Variants in PCSK2 observed in about 807,000 individuals in gnomAD.
PCSK2 encodes the protein neuroendocrine convertase 2.
Under a neutral mutation model 69.7 loss-of-function variants are expected in PCSK2, and 14 were observed. That is an observed-to-expected ratio of 0.20 (90% CI 0.13 to 0.31). The LOEUF is 0.31. Ranked by LOEUF, PCSK2 falls within the 10% of genes least tolerant of loss-of-function variation. The pLI, the probability that PCSK2 is intolerant of heterozygous loss-of-function variation, is 1.00. For missense variants in PCSK2, 544 were observed against 842.5 expected (o/e 0.65, Z 4.39); for synonymous variants, 307 against 320.7 (o/e 0.96, Z 0.46).
chr20:17,249,617 T>A (rs182281050), intron 1 of PCSK2, among the ~76,000 whole-genome samples: 161 of 151,872 alleles, frequency 1.1e-3, no homozygotes, highest in African/African-American at 3.7e-3. Context: ...CATCAACGGA[T>A]GAATGGATAA....
chr20:17,350,545 G>C (rs192386050), intron 2 of PCSK2, among the ~76,000 whole-genome samples: 1 of 151,946 alleles, frequency 6.6e-6, no homozygotes, highest in South Asian at 2.1e-4. Flanking sequence ...GGTCCTCAGA[G>C]AGTTATATGC....
intron 6 of PCSK2, among the ~76,000 whole-genome samples, chr20:17,420,029 A>T (rs780481500): frequency 2.0e-5 from 3 of 152,252 alleles, no homozygotes; most frequent in Non-Finnish European, 4.4e-5. Context: ...GGGAAGGAAG[A>T]TGGATAAATG....
At position 17,482,188 on chromosome 20, in the gene PCSK2, A is replaced by C. The variant is rs2033418099; in HGVS notation, c.*118A>C. On this transcript the variant is annotated 3_prime_UTR_variant, in exon 12 of 12. Coordinates refer to ENST00000262545, the MANE Select transcript of PCSK2 (RefSeq NM_002594.5). Reference sequence around the variant, plus strand: ...CCCGTACAGGCAATTCCGTCTTCTTAATCTGAAGCTTCACTCACTGTCAAT... The same window carrying C: ...CCCGTACAGGCAATTCCGTCTTCTTCATCTGAAGCTTCACTCACTGTCAAT... The C allele has an allele frequency of 1.1e-6, 1 of 882,304 alleles. No homozygotes were observed. Among genetic ancestry groups the C allele is most frequent in the African/African-American group, 1.7e-5 (1 of 59,252 alleles). The allele number at this position is 882,304 out of a possible 1,614,324, so 54.7% of individuals were successfully genotyped here.
At chr20:17,404,109 C>T (rs555256040) in intron 5 of PCSK2, among the ~76,000 whole-genome samples, 19 of 152,266 alleles carry the variant, frequency 1.2e-4, no homozygotes, top group African/African-American at 3.8e-4. Context: ...GGGGGTGGTG[C>T]ACATGGCTTG....
chr20:17,340,196 G>A (rs766870437), intron 2 of PCSK2, among the ~76,000 whole-genome samples: 1 of 152,184 alleles, frequency 6.6e-6, no homozygotes, highest in Non-Finnish European at 1.5e-5. Flanking sequence ...GAAGAGTCAT[G>A]CAGGTCCCCA....
chr20:17,384,714 G>A (rs1304503826), intron 5 of PCSK2, among the ~76,000 whole-genome samples: 2 of 152,072 alleles, frequency 1.3e-5, no homozygotes, highest in African/African-American at 4.8e-5. Flanking sequence ...TGGGAGTATT[G>A]CTTGAGCCAG....
intron 6 of PCSK2, among the ~76,000 whole-genome samples, chr20:17,411,076 T>C (rs979994133): frequency 7.2e-5 from 11 of 152,268 alleles, no homozygotes; most frequent in African/African-American, 2.6e-4. Flanking sequence ...CTGGGCAATG[T>C]GCTATAAAAA....
chr20:17,270,402 T>TA (rs1987815336), intron 2 of PCSK2, among the ~76,000 whole-genome samples: 1 of 152,078 alleles, frequency 6.6e-6, no homozygotes, highest in Non-Finnish European at 1.5e-5. Context: ...GCTTTATGGG[T>TA]TCAGGAGAGG....
intron 2 of PCSK2, among the ~76,000 whole-genome samples, chr20:17,335,371 A>G (rs6044740): frequency 0.83 from 125,299 of 151,566 alleles, 52,562 homozygotes; most frequent in East Asian, 0.98. Context: ...AGGCCAAAAC[A>G]CAAGATGTCC....
intron 2 of PCSK2, among the ~76,000 whole-genome samples, chr20:17,355,674 CAG>C (rs1164008751): frequency 1.7e-4 from 25 of 151,350 alleles, no homozygotes; most frequent in African/African-American, 2.4e-4. Flanking sequence ...CACACACACA[CAG>C]AGAGAGAGCT....
At chr20:17,292,024 T>C (rs1267449741) in intron 2 of PCSK2, among the ~76,000 whole-genome samples, 1 of 152,120 alleles carries the variant, frequency 6.6e-6, no homozygotes, top group Non-Finnish European at 1.5e-5. Flanking sequence ...GCAAGAAATA[T>C]TGGGAAGTAT....
chr20:17,260,374 A>G (rs1987332669), intron 2 of PCSK2, 30 bp downstream of exon 2: 1 of 1,461,540 alleles, frequency 6.8e-7, no homozygotes, highest in East Asian at 2.3e-5. Flanking sequence ...CTGCCTCCCA[A>G]TCTCTGCTGC....
intron 2 of PCSK2, among the ~76,000 whole-genome samples, chr20:17,347,590 C>T (rs1262402688): frequency 3.3e-5 from 5 of 152,088 alleles, no homozygotes; most frequent in African/African-American, 9.7e-5. Flanking sequence ...AGTGAACCCT[C>T]ATGTAAACCA....
intron 2 of PCSK2, among the ~76,000 whole-genome samples, chr20:17,318,682 C>G (rs981760654): frequency 2.6e-5 from 4 of 152,190 alleles, no homozygotes; most frequent in Non-Finnish European, 4.4e-5. Context: ...GCATTCCACC[C>G]AACAATCACC....
intron 4 of PCSK2, among the ~76,000 whole-genome samples, chr20:17,367,576 G>A (rs1204504926): frequency 6.6e-6 from 1 of 152,216 alleles, no homozygotes; most frequent in East Asian, 1.9e-4. Flanking sequence ...TTTGCTGGGG[G>A]GATGTTTCTT....
intron 2 of PCSK2, among the ~76,000 whole-genome samples, chr20:17,334,305 G>T (rs1407360852): frequency 6.6e-6 from 1 of 152,086 alleles, no homozygotes; most frequent in Non-Finnish European, 1.5e-5. Context: ...GGTACCACAG[G>T]CACACTGAAT....
At chr20:17,402,025 C>A (rs1360088495) in intron 5 of PCSK2, among the ~76,000 whole-genome samples, 1 of 152,138 alleles carries the variant, frequency 6.6e-6, no homozygotes, top group East Asian at 1.9e-4. Flanking sequence ...CTAATACATG[C>A]TTCACTGGCC....
chr20:17,274,462 C>T (rs1374073388), intron 2 of PCSK2, among the ~76,000 whole-genome samples: 2 of 152,188 alleles, frequency 1.3e-5, no homozygotes, highest in African/African-American at 4.8e-5. Flanking sequence ...CAATTCTGGG[C>T]ATAGCCAGCC....
At chr20:17,288,209 C>A (rs1988583482) in intron 2 of PCSK2, among the ~76,000 whole-genome samples, 1 of 152,170 alleles carries the variant, frequency 6.6e-6, no homozygotes. Context: ...TCCTTTCATG[C>A]AGCTTCCATC....
Sources: gnomAD v4.1 joint callset for allele counts (sites outside exome capture counted in the v4.1 genomes callset) on GRCh38, gnomAD v4.1.1 for gene constraint, MANE v1.5 for transcripts, NCBI Gene and HGNC (gene_info 2026-07-23, HGNC 2026-07-21) for gene names.